The following TRPC5 variants were observed in gnomAD, a reference collection of about 807,000 sequenced individuals.
TRPC5 encodes the protein short transient receptor potential channel 5.
In TRPC5, 9 loss-of-function variants were observed where a neutral mutation model predicts 56.5. The ratio of observed to expected loss-of-function variants is 0.16; its 90% CI spans 0.10 to 0.28. TRPC5 has a LOEUF of 0.28. Ranked by LOEUF, TRPC5 falls within the 10% of genes least tolerant of loss-of-function variation. The probability of loss-of-function intolerance (pLI) is 1.00; values close to 1 mark genes in which losing one functional copy is unlikely to be tolerated. For missense variants in TRPC5, 469 were observed against 748.9 expected (o/e 0.63, Z 4.36); for synonymous variants, 282 against 278.5 (o/e 1.01, Z -0.13).
At chrX:112,063,853 G>C (rs1930514965) in intron 1 of TRPC5, among the ~76,000 whole-genome samples, 1 of 111,767 alleles carries the variant, frequency 8.9e-6, no homozygotes, top group Admixed American at 9.5e-5. Flanking sequence ...GTGCAGTGGC[G>C]CGATCTCGGC....
chrX:111,810,297 C>T (rs1016670100), intron 7 of TRPC5, among the ~76,000 whole-genome samples: 1 of 110,938 alleles, frequency 9.0e-6, no homozygotes, highest in African/African-American at 3.3e-5. Context: ...GACTCAAATG[C>T]CAGAAAGTGG....
intron 2 of TRPC5, among the ~76,000 whole-genome samples, chrX:111,926,004 C>G (rs1382370807): frequency 8.9e-6 from 1 of 111,954 alleles, no homozygotes; most frequent in Non-Finnish European, 1.9e-5. Flanking sequence ...TAACAGCTCT[C>G]CCTTCTACCC....
intron 1 of TRPC5, among the ~76,000 whole-genome samples, chrX:112,036,903 C>T (rs765876834): frequency 3.6e-5 from 4 of 110,919 alleles, no homozygotes; most frequent in African/African-American, 6.6e-5. Context: ...TACACAGAAA[C>T]CCTTGCTTAG....
In TRPC5 at chrX:111,770,489, TTTAA is replaced by T. The variant is rs758014325; in HGVS notation, c.*5820_*5823del. On this transcript the variant is annotated 3_prime_UTR_variant, in exon 11 of 11. Transcript: ENST00000262839. ...AAAGGAGAAATGATGATGCTAATGT[TTTAA>T]TTAACCATTTTAAATTATATTTTTA... 3.6e-4 allele frequency among the ~76,000 whole-genome samples: 41 copies of T among 112,488 alleles called. No individual in the cohort carries two copies. The highest frequency in any genetic ancestry group is 1.3e-3 in the African/African-American group (39 of 31,007).
At chrX:111,975,442 ATTAC>A (rs1299482781) in intron 1 of TRPC5, among the ~76,000 whole-genome samples, 1 of 110,513 alleles carries the variant, frequency 9.0e-6, no homozygotes, top group Non-Finnish European at 1.9e-5. Context: ...ATTATATATT[ATTAC>A]TTTAAGTTCT....
At chrX:112,072,596 C>T (rs12014309) in intron 1 of TRPC5, among the ~76,000 whole-genome samples, 9,503 of 111,500 alleles carry the variant, frequency 0.085, 965 homozygotes, top group African/African-American at 0.29. Context: ...TCTTCTATCA[C>T]TTTATTCTTG....
At chrX:111,833,180 T>C (rs768123066) in intron 7 of TRPC5, among the ~76,000 whole-genome samples, 9 of 111,434 alleles carry the variant, frequency 8.1e-5, no homozygotes, top group Non-Finnish European at 1.5e-4. Context: ...CTGAACTATA[T>C]TGAATTTCAA....
intron 7 of TRPC5, 94 bp from the exon 8 acceptor site, chrX:111,782,232 G>A: frequency 4.1e-6 from 3 of 736,619 alleles, no homozygotes; most frequent in East Asian, 3.4e-5. Context: ...TCTATAGAGG[G>A]CAATATGTCA....
rs142001687 is a variant in TRPC5 at position 112,048,942 on chromosome X, A to G, written c.-22+32937T>C. On this transcript the variant is annotated intron_variant, in intron 1 of 10. Transcript: ENST00000262839. ...GCAGAATGCTCAGCACTGTGTGGCC[A>G]ATGAGTTTGGGTCATTAGAAAGCTA... 1.8e-3 allele frequency among the ~76,000 whole-genome samples: 202 copies of G among 112,300 alleles called. 1 individual carries two copies. The highest frequency in any genetic ancestry group is 6.1e-3 in the African/African-American group (189 of 30,936).
At chrX:112,080,373 T>C (rs1361677346) in intron 1 of TRPC5, among the ~76,000 whole-genome samples, 1 of 103,894 alleles carries the variant, frequency 9.6e-6, no homozygotes, top group African/African-American at 3.6e-5. Context: ...ATGGGGTTGA[T>C]TGAGGTCCTT....
chrX:112,070,045 A>G (rs1188414563), intron 1 of TRPC5, among the ~76,000 whole-genome samples: 1 of 111,734 alleles, frequency 8.9e-6, no homozygotes, highest in Admixed American at 9.5e-5. Flanking sequence ...TCAGGGAAAG[A>G]AATCCAGAAA....
chrX:111,991,495 A>G (rs747158423), intron 1 of TRPC5, among the ~76,000 whole-genome samples: 1 of 108,551 alleles, frequency 9.2e-6, no homozygotes, highest in African/African-American at 3.6e-5. Context: ...ATCAAGGCTC[A>G]GATGTTCATA....
At chrX:111,837,723 A>G (rs1009457266) in intron 6 of TRPC5, among the ~76,000 whole-genome samples, 2 of 110,685 alleles carry the variant, frequency 1.8e-5, no homozygotes, top group Non-Finnish European at 3.8e-5. Flanking sequence ...GTTTATTGCT[A>G]GTTGTTCCAC....
chrX:111,792,368 A>G lies in TRPC5; in HGVS notation c.1897-10230T>C, dbSNP rs146346579. Among the ~76,000 whole-genome samples, 411 of 111,080 alleles carry G rather than the reference A, an allele frequency of 3.7e-3. 3 individuals are homozygous for G. Among genetic ancestry groups the G allele is most frequent in the African/African-American group, 0.013 (392 of 30,537 alleles). The stretch of plus-strand genomic sequence containing the variant: ...ATACCTAATGCATGTGGGGCTTCAA[A>G]CCTAGATGACGGGTTGATGGGTGCA... On this transcript the variant is annotated intron_variant, in intron 7 of 10. Coordinates refer to ENST00000262839, the MANE Select transcript of TRPC5 (RefSeq NM_012471.3).
chrX:111,979,916 T>G (rs1928032785), intron 1 of TRPC5, among the ~76,000 whole-genome samples: 1 of 111,775 alleles, frequency 8.9e-6, no homozygotes, highest in Non-Finnish European at 1.9e-5. Context: ...GCTTAGCAAT[T>G]TCTTTTAAAA....
chrX:112,068,150 G>A, intron 1 of TRPC5, among the ~76,000 whole-genome samples: 1 of 112,006 alleles, frequency 8.9e-6, no homozygotes, highest in Non-Finnish European at 1.9e-5. Context: ...AAAATGGGTA[G>A]AGATGGGCTG....
chrX:111,936,016 A>G (rs1473810761), intron 2 of TRPC5, among the ~76,000 whole-genome samples: 1 of 111,756 alleles, frequency 8.9e-6, no homozygotes, highest in Non-Finnish European at 1.9e-5. Flanking sequence ...TGCCATTGGT[A>G]TTTGCATTTA....
chrX:111,886,512 G>T (rs140071714), intron 3 of TRPC5, among the ~76,000 whole-genome samples: 1 of 111,482 alleles, frequency 9.0e-6, no homozygotes, highest in African/African-American at 3.3e-5. Flanking sequence ...TTTCATTATG[G>T]GATATTTGTT....
intron 9 of TRPC5, among the ~76,000 whole-genome samples, chrX:111,780,884 C>A (rs1165380609): frequency 9.0e-6 from 1 of 111,144 alleles, no homozygotes; most frequent in Non-Finnish European, 1.9e-5. Flanking sequence ...ACTGACTGAC[C>A]AACCATATAT....
Sources: allele counts gnomAD v4.1 joint callset (sites outside exome capture counted in the v4.1 genomes callset), GRCh38; gene constraint gnomAD v4.1.1; transcripts MANE v1.5; gene names NCBI Gene and HGNC (gene_info 2026-07-23, HGNC 2026-07-21).